Variants in WIF1 observed in about 807,000 individuals in gnomAD.
WIF1 encodes the protein Wnt inhibitory factor 1.
WIF1 carries 35 observed loss-of-function variants against 53.5 expected under a neutral mutation model. The observed-to-expected ratio is 0.65, with a 90% CI of 0.50 to 0.87. The LOEUF is 0.87. Ranked by LOEUF, WIF1 falls within the 40% of genes least tolerant of loss-of-function variation. The pLI is 0.00. For missense variants in WIF1, 467 were observed against 476.8 expected, an observed-to-expected ratio of 0.98 and a Z score of 0.19; for synonymous variants, 171 against 170.4, an observed-to-expected ratio of 1.00 and a Z score of -0.03.
chr12:65,059,428 T>A (rs1882577955), intron 7 of WIF1, among the ~76,000 whole-genome samples: 1 of 152,220 alleles, frequency 6.6e-6, no homozygotes, highest in South Asian at 2.1e-4. Context: ...CAGTTATTTT[T>A]AAAATCCTTT....
At chr12:65,087,431 C>A (rs1305717083) in intron 2 of WIF1, among the ~76,000 whole-genome samples, 1 of 152,048 alleles carries the variant, frequency 6.6e-6, no homozygotes, top group African/African-American at 2.4e-5. Flanking sequence ...TGTATATTTA[C>A]TTCATTCTAT....
intron 8 of WIF1, among the ~76,000 whole-genome samples, chr12:65,055,697 C>A (rs1410294355): frequency 1.3e-5 from 2 of 152,222 alleles, no homozygotes; most frequent in Non-Finnish European, 2.9e-5. Context: ...ATCGCTTACA[C>A]CTGGGGGGCG....
chr12:65,116,987 G>C (rs1883522529), intron 2 of WIF1, among the ~76,000 whole-genome samples: 1 of 149,346 alleles, frequency 6.7e-6, no homozygotes, highest in Non-Finnish European at 1.5e-5. Flanking sequence ...CCAGACTCTG[G>C]TGCCAAAATG....
At chr12:65,061,531 G>C (rs539237161) in intron 7 of WIF1, among the ~76,000 whole-genome samples, 48 of 152,296 alleles carry the variant, frequency 3.2e-4, no homozygotes, top group African/African-American at 9.9e-4. Flanking sequence ...ATCTAGGAGG[G>C]AGTTATCTCA....
intron 2 of WIF1, among the ~76,000 whole-genome samples, chr12:65,082,611 T>C (rs1217129888): frequency 6.6e-6 from 1 of 152,166 alleles, no homozygotes; most frequent in African/African-American, 2.4e-5. Context: ...TTTAACTTGC[T>C]TCCAATGGAC....
At chr12:65,109,782 G>A (rs1035956818) in intron 2 of WIF1, among the ~76,000 whole-genome samples, 15 of 152,158 alleles carry the variant, frequency 9.9e-5, no homozygotes, top group South Asian at 4.2e-4. Context: ...TTGTTTCCTC[G>A]TCTACAAATT....
chr12:65,106,376 T>A (rs1174480823), intron 2 of WIF1, among the ~76,000 whole-genome samples: 9 of 137,990 alleles, frequency 6.5e-5, no homozygotes, highest in African/African-American at 2.0e-4. Flanking sequence ...TATATATATT[T>A]TTTTTTATTT....
chr12:65,115,226 A>G (rs1281327022), intron 2 of WIF1, among the ~76,000 whole-genome samples: 1 of 151,754 alleles, frequency 6.6e-6, no homozygotes, highest in East Asian at 1.9e-4. Flanking sequence ...CCTATTAACT[A>G]AGTACTAGAT....
At position 65,102,858 on chromosome 12, in the gene WIF1, C is replaced by A. The variant is rs143298686; in HGVS notation, c.288+17559G>T. Among the ~76,000 whole-genome samples, 1,074 of 152,206 alleles carry A rather than the reference C, an allele frequency of 7.1e-3. 6 individuals are homozygous for A. The highest frequency in any genetic ancestry group is 0.024 in the Middle Eastern group (7 of 294). ...CTTGCAGTGTTTTATATTGGGTGGA[C>A]AACTATCTATAACCAAGTAAATACC... is the stretch of plus-strand genomic sequence containing the variant. On this transcript the variant is annotated intron_variant, in intron 2 of 9. Transcript: ENST00000286574.
At chr12:65,057,016 A>G (rs1428530018) in intron 7 of WIF1, among the ~76,000 whole-genome samples, 2 of 152,142 alleles carry the variant, frequency 1.3e-5, no homozygotes, top group Admixed American at 1.3e-4. Flanking sequence ...TGACAGTCTT[A>G]GCCTAGGATT....
chr12:65,074,678 C>G (rs1424226358), intron 3 of WIF1, among the ~76,000 whole-genome samples: 1 of 151,580 alleles, frequency 6.6e-6, no homozygotes, highest in Non-Finnish European at 1.5e-5. Context: ...ATCAGCCAGG[C>G]ATGGTGGCAT....
intron 3 of WIF1, among the ~76,000 whole-genome samples, chr12:65,075,898 C>T (rs1303660861): frequency 6.6e-6 from 1 of 152,054 alleles, no homozygotes. Context: ...AGGAAGAACA[C>T]TATTATCTCA....
chr12:65,068,675 G>A (rs1565750889), intron 4 of WIF1, 89 bp downstream of exon 4: 1 of 1,304,824 alleles, frequency 7.7e-7, no homozygotes, highest in Non-Finnish European at 1.1e-6. Context: ...GTGTGTGTGT[G>A]TGTGTGTGTG....
intron 2 of WIF1, among the ~76,000 whole-genome samples, chr12:65,112,172 A>T (rs564993448): frequency 6.6e-6 from 1 of 152,294 alleles, no homozygotes; most frequent in South Asian, 2.1e-4. Context: ...AAACTTAAGG[A>T]TCACTTGCCA....
chr12:65,098,282 T>C (rs1883233659), intron 2 of WIF1, among the ~76,000 whole-genome samples: 2 of 152,182 alleles, frequency 1.3e-5, no homozygotes, highest in South Asian at 2.1e-4. Context: ...TTTGATGCTC[T>C]TGGAATGTCC....
At chr12:65,094,939 T>TATTA (rs1257465635) in intron 2 of WIF1, among the ~76,000 whole-genome samples, 3 of 133,610 alleles carry the variant, frequency 2.2e-5, no homozygotes, top group Non-Finnish European at 5.0e-5. Context: ...TTTATTTATT[T>TATTA]ATTTATTTAT....
At chr12:65,083,444 G>C (rs1565754521) in intron 2 of WIF1, among the ~76,000 whole-genome samples, 1 of 151,980 alleles carries the variant, frequency 6.6e-6, no homozygotes, top group African/African-American at 2.4e-5. Context: ...ATTATCTTTG[G>C]ACTCTGTGAC....
In WIF1 at chr12:65,051,458, C is replaced by T; in HGVS notation, c.1031G>A (p.Ser344Asn). The change falls in exon 10 of 10, where the codon AGC (serine) becomes AAC (asparagine). Residue 344 changes from serine to asparagine, a missense_variant. Transcript: ENST00000286574. ...GRHCNKRYEA[S>N]LIHALRPAGA... The stretch of plus-strand genomic sequence containing the variant: ...TGCTGGCCTCAGGGCATGTATGAGG[C>T]TGGCTTCGTACCCTGCAAAATTATT... The T allele has an allele frequency of 6.2e-7, 1 of 1,609,980 alleles. No homozygotes were observed. The highest frequency in any genetic ancestry group is 8.5e-7 in the Non-Finnish European group (1 of 1,178,398).
chr12:65,074,267 A>G (rs928523993), intron 3 of WIF1, among the ~76,000 whole-genome samples: 5 of 152,018 alleles, frequency 3.3e-5, no homozygotes, highest in Admixed American at 1.3e-4. Context: ...AAAAAGTGAA[A>G]AAAGCACTTA....
Sources: allele counts gnomAD v4.1 joint callset (sites outside exome capture counted in the v4.1 genomes callset), GRCh38; gene constraint gnomAD v4.1.1; transcripts MANE v1.5; gene names NCBI Gene and HGNC (gene_info 2026-07-23, HGNC 2026-07-21).